Variants in RFX2 observed in about 807,000 individuals in gnomAD.
RFX2 encodes regulatory factor X2, also known as DNA-binding protein RFX2.
A neutral mutation model predicts 87.8 loss-of-function variants in RFX2; 20 were observed. The observed-to-expected ratio is 0.23, with a 90% CI of 0.16 to 0.33. RFX2 has a LOEUF of 0.33. RFX2 is among the 10% of genes least tolerant of loss of function. The pLI is 1.00. For missense variants in RFX2, 767 were observed against 1,012.3 expected, an observed-to-expected ratio of 0.76 and a Z score of 3.29; for synonymous variants, 397 against 431.3, an observed-to-expected ratio of 0.92 and a Z score of 0.98.
Position 6,010,104 on chromosome 19 carries a change from G to C in RFX2, c.1015+32C>G. The C allele has an allele frequency of 7.1e-7, 1 of 1,401,838 alleles. No homozygotes were observed. Among genetic ancestry groups the C allele is most frequent in the Non-Finnish European group, 9.8e-7 (1 of 1,017,248 alleles). The allele number at this position is 1,401,838 out of a possible 1,614,324, so 86.8% of individuals were successfully genotyped here. A position where few individuals can be genotyped will look rare whatever the true frequency, so the allele number is the denominator to read the frequency against. On this transcript the variant is annotated intron_variant, in intron 9 of 17. Transcript: ENST00000303657. This position sits in a 1 kb window ranked among gnomAD's most constrained non-coding sequence, Gnocchi z 5.0. The stretch of plus-strand genomic sequence containing the variant: ...CCAGGAGTGTGGCGAGCAGATGGGA[G>C]CCCCGCCCCCGGGCCTGACCGGGCC...
intron 4 of RFX2, among the ~76,000 whole-genome samples, chr19:6,041,066 G>T (rs879410543): frequency 3.3e-5 from 5 of 152,134 alleles, no homozygotes; most frequent in East Asian, 1.9e-4. Context: ...ATTTCCAGGG[G>T]TTTTTTTGTT....
chr19:6,076,566 C>T (rs564557323), intron 1 of RFX2, among the ~76,000 whole-genome samples: 2 of 152,256 alleles, frequency 1.3e-5, no homozygotes, highest in South Asian at 4.1e-4. Flanking sequence ...GGAGAAAATA[C>T]TTCTATCTGT....
chr19:6,069,903 A>G (rs2087570732), intron 1 of RFX2, among the ~76,000 whole-genome samples: 1 of 152,088 alleles, frequency 6.6e-6, no homozygotes. Flanking sequence ...TCTGAAAATG[A>G]AAGAAATAAT....
chr19:6,088,754 T>C (rs2087892139), intron 1 of RFX2, among the ~76,000 whole-genome samples: 1 of 152,210 alleles, frequency 6.6e-6, no homozygotes, highest in South Asian at 2.1e-4. Context: ...ACTAGTCACA[T>C]ATAGCCAAGT....
At chr19:6,042,227 T>A (rs2087120796) in intron 3 of RFX2, 104 bp from the exon 4 acceptor site, 1 of 995,732 alleles carries the variant, frequency 1.0e-6, no homozygotes, top group African/African-American at 1.6e-5. Context: ...GAACATTTAG[T>A]ACCAAATGAC....
Position 6,083,725 on chromosome 19 carries a change from C to T in RFX2, c.-9+26668G>A, listed in dbSNP as rs2087817431. Among the ~76,000 whole-genome samples the T allele has an allele frequency of 1.3e-5, 2 of 151,942 alleles. No individual in the cohort carries two copies. The highest frequency in any genetic ancestry group is 2.9e-5 in the Non-Finnish European group (2 of 68,002). On this transcript the variant is annotated intron_variant, in intron 1 of 17. Coordinates refer to ENST00000303657, the MANE Select transcript of RFX2 (RefSeq NM_000635.4). The surrounding 1 kb of genome is among the most constrained non-coding windows in gnomAD (Gnocchi z 4.6). ...AAGCTGAGACCACAGGTATGTGCCA[C>T]CATGCCCGGGTAATTTTTTAATTTT...
At chr19:6,018,259 C>T (rs1479381950) in intron 6 of RFX2, among the ~76,000 whole-genome samples, 3 of 152,198 alleles carry the variant, frequency 2.0e-5, no homozygotes, top group African/African-American at 4.8e-5. Flanking sequence ...CGTGAGCCAC[C>T]GCGCCCGGCC....
chr19:6,061,155 T>A lies in RFX2; in HGVS notation c.-8-13651A>T, dbSNP rs1257262608. Among the ~76,000 whole-genome samples the A allele has an allele frequency of 6.6e-6, 1 of 152,196 alleles. No homozygotes were observed. The highest frequency in any genetic ancestry group is 6.5e-5 in the Admixed American group (1 of 15,282). ...CCCTTCCTTCCGCTCCTGCTGCTACTATTTCAGTGAGCCCCTGCCTCCCTA... is the reference window on the plus strand; with the variant it reads ...CCCTTCCTTCCGCTCCTGCTGCTACAATTTCAGTGAGCCCCTGCCTCCCTA... On this transcript the variant is annotated intron_variant, in intron 1 of 17. Coordinates refer to ENST00000303657, the MANE Select transcript of RFX2 (RefSeq NM_000635.4). The surrounding 1 kb of genome is among the most constrained non-coding windows in gnomAD (Gnocchi z 5.2).
At chr19:6,082,540 C>A (rs1458774859) in intron 1 of RFX2, among the ~76,000 whole-genome samples, 1 of 152,102 alleles carries the variant, frequency 6.6e-6, no homozygotes, top group African/African-American at 2.4e-5. Context: ...TCAAGCCATC[C>A]TCCCACCACA....
At chr19:6,032,382 T>C (rs974650555) in intron 5 of RFX2, among the ~76,000 whole-genome samples, 20 of 152,124 alleles carry the variant, frequency 1.3e-4, no homozygotes, top group African/African-American at 4.8e-4. Context: ...CACCTGCCTT[T>C]GCCTCCCAAA....
At chr19:6,037,289 GAA>G (rs57278741) in intron 5 of RFX2, among the ~76,000 whole-genome samples, 3,240 of 102,418 alleles carry the variant, frequency 0.032, 116 homozygotes, top group African/African-American at 0.11. Context: ...GTCTCAAAAA[GAA>G]AAAAAAAAAA....
Position 5,998,785 on chromosome 19 carries a change from C to T in RFX2, c.1860-1572G>A, listed in dbSNP as rs2086452294. Among the ~76,000 whole-genome samples, 1 of 152,224 alleles carries T rather than the reference C, an allele frequency of 6.6e-6. No individual in the cohort carries two copies. The highest frequency in any genetic ancestry group is 2.4e-5 in the African/African-American group (1 of 41,452). ...CGGTATCTCTGGGTTCCCAAATGGG[C>T]TCGCAGCTCCCAGAGAGTAGGAGCA... is the stretch of plus-strand genomic sequence containing the variant. On this transcript the variant is annotated intron_variant, in intron 15 of 17. Transcript: ENST00000303657. This position sits in a 1 kb window ranked among gnomAD's most constrained non-coding sequence, Gnocchi z 4.2.
rs10425519 is a variant in RFX2 at position 6,110,213 on chromosome 19, C to T, written c.-9+180G>A. On this transcript the variant is annotated intron_variant, in intron 1 of 17. Transcript: ENST00000303657. This position sits in a 1 kb window ranked among gnomAD's most constrained non-coding sequence, Gnocchi z 4.3. Reference sequence around the variant, plus strand: ...AGGAAAGTGGGGACGTCGCCAGGGTCCCCCCAAACTCCGCCGCGCGCGCGG... The same window carrying T: ...AGGAAAGTGGGGACGTCGCCAGGGTTCCCCCAAACTCCGCCGCGCGCGCGG... 0.05 allele frequency among the ~76,000 whole-genome samples: 6,233 copies of T among 124,444 alleles called. 282 individuals carry two copies. The highest frequency in any genetic ancestry group is 0.14 in the African/African-American group (4,751 of 33,364). 81.6% of individuals were successfully genotyped at this position (124,444 alleles called of 152,430 possible). A position where few individuals can be genotyped will look rare whatever the true frequency, so the allele number is the denominator to read the frequency against.
chr19:6,095,505 G>C (rs193296778), intron 1 of RFX2, among the ~76,000 whole-genome samples: 42 of 152,300 alleles, frequency 2.8e-4, no homozygotes, highest in Admixed American at 2.0e-3. Context: ...GCAGACTCCA[G>C]ATGGAACAGG....
rs143865879 is a variant in RFX2 at position 6,004,916 on chromosome 19, C to T, written c.1403-618G>A. 0.021 allele frequency among the ~76,000 whole-genome samples: 3,201 copies of T among 151,904 alleles called. 58 individuals carry two copies. The highest frequency in any genetic ancestry group is 0.031 in the Middle Eastern group (9 of 292). On this transcript the variant is annotated intron_variant, in intron 12 of 17. Transcript: ENST00000303657. This position sits in a 1 kb window ranked among gnomAD's most constrained non-coding sequence, Gnocchi z 4.8. ...GGCGGATCACCTGAGGTCCGGAGTTCGAGACCAGCCTGGCCAACATGGTGA... is the reference window on the plus strand; with the variant it reads ...GGCGGATCACCTGAGGTCCGGAGTTTGAGACCAGCCTGGCCAACATGGTGA...
chr19:6,090,300 G>A (rs188397403), intron 1 of RFX2, among the ~76,000 whole-genome samples: 2 of 151,496 alleles, frequency 1.3e-5, no homozygotes, highest in East Asian at 1.9e-4. Flanking sequence ...TTTCTCAGCC[G>A]GGTGAGGTTG....
chr19:6,001,699 A>G lies in RFX2; in HGVS notation c.1859+116T>C. On this transcript the variant is annotated intron_variant, in intron 15 of 17. Coordinates refer to ENST00000303657, the MANE Select transcript of RFX2 (RefSeq NM_000635.4). The surrounding 1 kb of genome is among the most constrained non-coding windows in gnomAD (Gnocchi z 5.6). ...TTTTTGCGGGTTCAGACACTGCTGC[A>G]ACTCTGCTGAGCCCTGTTTTGCTCT... is the stretch of plus-strand genomic sequence containing the variant. The G allele has an allele frequency of 1.2e-6, 1 of 866,994 alleles. No individual in the cohort carries two copies. The highest frequency in any genetic ancestry group is 1.7e-6 in the Non-Finnish European group (1 of 581,776). 53.7% of individuals were successfully genotyped at this position (866,994 alleles called of 1,614,324 possible). A position where few individuals can be genotyped will look rare whatever the true frequency, so the allele number is the denominator to read the frequency against.
At chr19:6,046,871 C>T (rs2087198268) in intron 2 of RFX2, among the ~76,000 whole-genome samples, 1 of 151,874 alleles carries the variant, frequency 6.6e-6, no homozygotes, top group Admixed American at 6.6e-5. Flanking sequence ...TCAGGTGATC[C>T]TCCCATCTCA....
intron 1 of RFX2, among the ~76,000 whole-genome samples, chr19:6,062,710 T>C (rs1281805182): frequency 1.3e-5 from 2 of 152,342 alleles, no homozygotes; most frequent in East Asian, 1.9e-4. Context: ...GGGGAGTGAC[T>C]GTATGAGCTC....
Sources: gnomAD v4.1 joint callset for allele counts (sites outside exome capture counted in the v4.1 genomes callset) on GRCh38, gnomAD v4.1.1 for gene constraint, Gnocchi (gnomAD v3.1) non-coding constraint, MANE v1.5 for transcripts, NCBI Gene and HGNC (gene_info 2026-07-23, HGNC 2026-07-21) for gene names.